DLGAP2: variants seen among roughly 807,000 people sequenced by gnomAD.
DLGAP2 encodes the protein DLG associated protein 2.
DLGAP2 carries 26 observed loss-of-function variants against 100.3 expected under a neutral mutation model. That is an observed-to-expected ratio of 0.26 (90% confidence interval 0.19 to 0.36). The LOEUF (loss-of-function observed/expected upper bound fraction) is 0.36. Among genes scored for constraint, DLGAP2 ranks in the 10% least tolerant of loss-of-function variants. The pLI is 1.00. For synonymous variants in DLGAP2, 886 were observed against 630.1 expected (o/e 1.41, Z -6.08); for missense variants, 1,858 against 1,453.2 (o/e 1.28, Z -4.53).
intron 1 of DLGAP2, among the ~76,000 whole-genome samples, chr8:756,244 G>C (rs1820917613): frequency 6.6e-6 from 1 of 152,114 alleles, no homozygotes; most frequent in Non-Finnish European, 1.5e-5. Flanking sequence ...ACGGGAGAAG[G>C]TGATGGGCTC....
chr8:1,017,782 G>GAC (rs1801509902), intron 2 of DLGAP2, among the ~76,000 whole-genome samples: 1 of 151,998 alleles, frequency 6.6e-6, no homozygotes, highest in African/African-American at 2.4e-5. Context: ...TCGTCTGAGT[G>GAC]CAAGTGGCCA....
chr8:869,792 G>A (rs956018980), intron 1 of DLGAP2, among the ~76,000 whole-genome samples: 2 of 152,182 alleles, frequency 1.3e-5, no homozygotes, highest in Admixed American at 6.5e-5. Flanking sequence ...GGATGTGGTG[G>A]TTTATGGTGA....
chr8:1,383,411 T>C (rs1462458332), intron 3 of DLGAP2, among the ~76,000 whole-genome samples: 7 of 152,228 alleles, frequency 4.6e-5, no homozygotes, highest in Admixed American at 4.6e-4. Context: ...CTCAGACTTT[T>C]ATACAGAGAT....
At chr8:1,264,500 G>A (rs773143166) in intron 3 of DLGAP2, among the ~76,000 whole-genome samples, 5 of 152,162 alleles carry the variant, frequency 3.3e-5, no homozygotes, top group African/African-American at 1.2e-4. Context: ...TCCAGGTATG[G>A]ATCTGAGATC....
At chr8:1,046,476 C>A (rs1024995850) in intron 2 of DLGAP2, among the ~76,000 whole-genome samples, 1 of 152,108 alleles carries the variant, frequency 6.6e-6, no homozygotes. Context: ...TGATTCAAAC[C>A]TTTTCTGCTG....
At chr8:1,364,511 T>G (rs7014644) in intron 3 of DLGAP2, among the ~76,000 whole-genome samples, 97,276 of 145,192 alleles carry the variant, frequency 0.67, 33,278 homozygotes, top group East Asian at 0.93. Context: ...GCGGGGGGGG[T>G]GCAGCGAAGC....
At chr8:979,418 A>G (rs940868350) in intron 2 of DLGAP2, among the ~76,000 whole-genome samples, 2 of 152,190 alleles carry the variant, frequency 1.3e-5, no homozygotes, top group African/African-American at 4.8e-5. Context: ...CTTTTTCTAA[A>G]AATGTGCTGC....
At chr8:1,551,647 C>T (rs1351617597) in intron 5 of DLGAP2, among the ~76,000 whole-genome samples, 2 of 152,224 alleles carry the variant, frequency 1.3e-5, no homozygotes, top group Non-Finnish European at 2.9e-5. Flanking sequence ...ACACCGTCAG[C>T]CCCTTTCAAA....
chr8:1,044,865 A>G (rs535293511), intron 2 of DLGAP2, among the ~76,000 whole-genome samples: 29 of 152,310 alleles, frequency 1.9e-4, no homozygotes, highest in African/African-American at 7.0e-4. Context: ...CAAAACCCCA[A>G]TAATTCTTCC....
chr8:779,944 G>T (rs1401943503), intron 1 of DLGAP2, among the ~76,000 whole-genome samples: 1 of 152,096 alleles, frequency 6.6e-6, no homozygotes, highest in Non-Finnish European at 1.5e-5. Context: ...ATACACTGGG[G>T]AAAGAGTCAA....
chr8:1,191,110 T>A (rs1201441306), intron 2 of DLGAP2, among the ~76,000 whole-genome samples: 2 of 152,136 alleles, frequency 1.3e-5, no homozygotes, highest in African/African-American at 2.4e-5. Context: ...TTACGTGGGA[T>A]GTCTTGCAAT....
chr8:892,122 A>G (rs1798047285), intron 1 of DLGAP2, among the ~76,000 whole-genome samples: 1 of 152,170 alleles, frequency 6.6e-6, no homozygotes, highest in African/African-American at 2.4e-5. Flanking sequence ...GATGGGGCAG[A>G]TGCTGTGGAA....
intron 3 of DLGAP2, among the ~76,000 whole-genome samples, chr8:1,259,960 A>G (rs1332546279): frequency 6.6e-6 from 1 of 152,234 alleles, no homozygotes; most frequent in Non-Finnish European, 1.5e-5. Context: ...CAGTCACTGT[A>G]CATTTTTAAA....
intron 2 of DLGAP2, among the ~76,000 whole-genome samples, chr8:1,147,950 T>C (rs1389993983): frequency 6.6e-6 from 1 of 152,254 alleles, no homozygotes; most frequent in Non-Finnish European, 1.5e-5. Flanking sequence ...TTTTTTAAAA[T>C]CCCTTTGATT....
intron 8 of DLGAP2, among the ~76,000 whole-genome samples, chr8:1,662,937 G>GGT (rs61593968): frequency 1.3e-5 from 2 of 148,430 alleles, no homozygotes; most frequent in African/African-American, 5.1e-5. Context: ...CGTAGTGTGG[G>GGT]GTGTGTGTGT....
intron 3 of DLGAP2, among the ~76,000 whole-genome samples, chr8:1,498,710 G>A (rs573848450): frequency 6.6e-6 from 1 of 152,350 alleles, no homozygotes; most frequent in Admixed American, 6.5e-5. Flanking sequence ...TAAAACGTAT[G>A]TGAATGTGGT....
At chr8:1,001,819 T>A (rs1443487834) in intron 2 of DLGAP2, among the ~76,000 whole-genome samples, 3 of 152,116 alleles carry the variant, frequency 2.0e-5, no homozygotes. Context: ...AAGGAAGAAA[T>A]CTTGACACTC....
At chr8:1,245,536 G>C (rs1798885337) in intron 2 of DLGAP2, among the ~76,000 whole-genome samples, 1 of 152,192 alleles carries the variant, frequency 6.6e-6, no homozygotes, top group African/African-American at 2.4e-5. Flanking sequence ...GTTCAGAACA[G>C]GCAAATCTAT....
intron 3 of DLGAP2, among the ~76,000 whole-genome samples, chr8:1,356,559 G>T (rs956436455): frequency 3.3e-5 from 5 of 152,226 alleles, no homozygotes; most frequent in African/African-American, 1.2e-4. Flanking sequence ...TCCACACTGT[G>T]AGAGTTACCC....
Sources: gnomAD v4.1 joint callset for allele counts (sites outside exome capture counted in the v4.1 genomes callset) on GRCh38, gnomAD v4.1.1 for gene constraint, MANE v1.5 for transcripts, NCBI Gene and HGNC (gene_info 2026-07-23, HGNC 2026-07-21) for gene names.